USP35: variants seen among roughly 807,000 people sequenced by gnomAD.
USP35 encodes ubiquitin carboxyl-terminal hydrolase 35.
Under a neutral mutation model 83.8 loss-of-function variants are expected in USP35, and 69 were observed. That is an observed-to-expected ratio of 0.82 (90% CI 0.68 to 1.01). USP35 has a LOEUF of 1.01. Ranked by LOEUF, USP35 falls within the 50% of genes least tolerant of loss-of-function variation. The pLI is 0.00. For missense variants in USP35, 1,503 were observed against 1,362.5 expected (o/e 1.10, Z -1.62); for synonymous variants, 714 against 589.5 (o/e 1.21, Z -3.06).
In USP35 at chr11:78,196,697, A is replaced by G. The variant is rs1326561907; in HGVS notation, c.452A>G (p.His151Arg). 6.6e-7 allele frequency: 1 copy of G among 1,516,918 alleles called. No homozygotes were observed. The highest frequency in any genetic ancestry group is 2.0e-5 in the Admixed American group (1 of 49,534). The allele number at this position is 1,516,918 out of a possible 1,614,324, so 94.0% of individuals were successfully genotyped here. ...CAGGTGGCACGGCTGCTGGCTCGCC[A>G]CCCGCGCTGTGTGCCCGACGGACCC... ...CAQVARLLARHPRCVPDGPHR... is the reference protein window; with the variant it reads ...CAQVARLLARRPRCVPDGPHR... Residue 151 changes from histidine (H) to arginine (R), a missense_variant, in exon 2 of 11, where the codon CAC (histidine) becomes CGC (arginine). His to Arg is a conservative substitution (Grantham distance 29). Coordinates refer to ENST00000529308, the MANE Select transcript of USP35 (RefSeq NM_020798.4). The surrounding 1 kb of genome is among the most constrained non-coding windows in gnomAD (Gnocchi z 4.8).
the USP35 span, among the ~76,000 whole-genome samples, chr11:78,232,943 T>G: frequency 6.6e-6 from 1 of 152,214 alleles, no homozygotes; most frequent in Admixed American, 6.5e-5. Context: ...TAAAGCATCA[T>G]TTCTTTCTTC....
At position 78,214,443 on chromosome 11, in the gene USP35, C is replaced by T. The variant is rs1442483486; in HGVS notation, c.*630C>T. 6.6e-6 allele frequency: 1 copy of T among 152,426 alleles called. No individual in the cohort carries two copies. Among genetic ancestry groups the T allele is most frequent in the African/African-American group, 2.4e-5 (1 of 41,344 alleles). The allele number at this position is 152,426 out of a possible 1,614,324, so 9.4% of individuals were successfully genotyped here. A position where few individuals can be genotyped will look rare whatever the true frequency, so the allele number is the denominator to read the frequency against. ...CCTTTGCCCCCACAGCCCCTCCACG[C>T]CTGCCTCAGGGCCTGAGAAGCCACC... On this transcript the variant is annotated 3_prime_UTR_variant, in exon 11 of 11. Coordinates refer to ENST00000529308, the MANE Select transcript of USP35 (RefSeq NM_020798.4).
chr11:78,210,260 G>A lies in USP35; in HGVS notation c.2405G>A (p.Cys802Tyr). The part of the protein sequence containing the change: ...EKVVELSQGP[C>Y]YLILTLLRFS... ...GTGGTGGAGCTGAGCCAAGGGCCGT[G>A]CTACCTCATCCTCACACTGCTGCGC... The change falls in exon 10 of 11, where the codon TGC becomes TAC. Residue 802 changes from cysteine (C) to tyrosine (Y), a missense_variant. Physicochemically the swap from Cys to Tyr is radical, Grantham distance 194. Coordinates refer to ENST00000529308, the MANE Select transcript of USP35 (RefSeq NM_020798.4). 6.2e-7 allele frequency: 1 copy of A among 1,614,080 alleles called. No individual in the cohort carries two copies. Among genetic ancestry groups the A allele is most frequent in the Non-Finnish European group, 8.5e-7 (1 of 1,180,028 alleles).
At chr11:78,207,494 A>G (rs767658553) in intron 7 of USP35, 36 bp from the exon 8 acceptor site, 28 of 1,609,848 alleles carry the variant, frequency 1.7e-5, no homozygotes, top group Non-Finnish European at 2.1e-5. Context: ...TTGGGGGCCC[A>G]TGGCTTACCC....
In USP35 at chr11:78,200,886, A is replaced by G. The variant is rs978304049; in HGVS notation, c.1197+78A>G. ...TGTGGGCCTTCCAGCGGGCCATACCACAGCTTGGTGGCAGTCCCCGTCATT... is the reference window on the plus strand; with the variant it reads ...TGTGGGCCTTCCAGCGGGCCATACCGCAGCTTGGTGGCAGTCCCCGTCATT... On this transcript the variant is annotated intron_variant, in intron 6 of 10. Coordinates refer to ENST00000529308, the MANE Select transcript of USP35 (RefSeq NM_020798.4). 4.0e-6 allele frequency: 6 copies of G among 1,506,962 alleles called. No individual in the cohort carries two copies. The Admixed American group carries it at 6.8e-5, about 17-fold the overall frequency. 93.3% of individuals were successfully genotyped at this position (1,506,962 alleles called of 1,614,324 possible).
the USP35 span, chr11:78,226,607 G>A: frequency 6.2e-7 from 1 of 1,612,764 alleles, no homozygotes; most frequent in South Asian, 1.1e-5. Flanking sequence ...TTGGCTTGGG[G>A]GGGCGGGGTG....
intron 3 of USP35, chr11:78,198,644 G>A (rs956591441): frequency 2.6e-5 from 26 of 985,348 alleles, no homozygotes; most frequent in African/African-American, 5.2e-5. Context: ...TTTCCATCCC[G>A]TGTGCAGATC....
At position 78,196,590 on chromosome 11, in the gene USP35, T is replaced by C; in HGVS notation, c.345T>C (p.Pro115=). Residue 115 remains proline, a synonymous_variant, in exon 2 of 11, where the codon CCT becomes CCC. Transcript: ENST00000529308. This position sits in a 1 kb window ranked among gnomAD's most constrained non-coding sequence, Gnocchi z 4.8. ...GTCTGCAGCTGCTGCCCGAGGGGCC[T>C]GCGGCCGACGAGGTGTTCGCGCTGC... is the stretch of plus-strand genomic sequence containing the variant. ...QLGLQLLPEG[P]AADEVFALLR... is the part of the protein sequence containing the mutation. The C allele has an allele frequency of 8.0e-7, 1 of 1,254,460 alleles. No individual in the cohort carries two copies. 77.7% of individuals were successfully genotyped at this position (1,254,460 alleles called of 1,614,324 possible).
chr11:78,204,113 A>G (rs1322558875), intron 6 of USP35, among the ~76,000 whole-genome samples: 1 of 151,294 alleles, frequency 6.6e-6, no homozygotes, highest in East Asian at 1.9e-4. Flanking sequence ...GATGGTCTCG[A>G]TCTCCTGACC....
At position 78,213,791 on chromosome 11, in the gene USP35, A is replaced by C. The variant is rs761401940; in HGVS notation, c.3035A>C (p.Asp1012Ala). 4 of 1,551,460 alleles carry C rather than the reference A, an allele frequency of 2.6e-6. No individual in the cohort carries two copies. The highest frequency in any genetic ancestry group is 3.5e-6 in the Non-Finnish European group (4 of 1,156,906). Residue 1012 changes from aspartate (D) to alanine (A), a missense_variant, in exon 11 of 11, where the codon GAC becomes GCC. Transcript: ENST00000529308. Reference sequence around the variant, plus strand: ...AATCCTGCAGGTGGCAATGGTGGTGACTTCCACAGACTGGTCTTCTAATGT... The same window carrying C: ...AATCCTGCAGGTGGCAATGGTGGTGCCTTCCACAGACTGGTCTTCTAATGT... ...GCNPAGGNGG[D>A]FHRLVF
At chr11:78,200,529 A>C in intron 5 of USP35, 121 bp from the exon 6 acceptor site, 1 of 1,409,548 alleles carries the variant, frequency 7.1e-7, no homozygotes, top group South Asian at 1.4e-5. Context: ...GTCAGGGGAC[A>C]GTGGTCAGGT....
At chr11:78,218,552 G>C (rs922875073), downstream of USP35, 3 of 153,060 alleles carry the variant, frequency 2.0e-5, no homozygotes, top group East Asian at 1.9e-4. Context: ...CTCTAGGTTG[G>C]CCATCAGTTT....
In USP35 at chr11:78,197,971, G is replaced by T; in HGVS notation, c.709G>T (p.Val237Phe). Residue 237 changes from valine (V) to phenylalanine (F), a missense_variant, in exon 3 of 11, where the codon GTC (valine) becomes TTC (phenylalanine). Transcript: ENST00000529308. ...ACCATCTAGCGCCCTGGCCAGCGTG[G>T]TCCAGCACCTCCCATTGGAGCTCAT... Reference protein sequence around the residue: ...EPPSSALASVVQHLPLELMDG... With the variant: ...EPPSSALASVFQHLPLELMDG... The T allele has an allele frequency of 6.2e-7, 1 of 1,614,222 alleles. No homozygotes were observed. The highest frequency in any genetic ancestry group is 1.3e-5 in the African/African-American group (1 of 75,060).
In USP35 at chr11:78,213,650, AGGAGAAGGAGGCCC is replaced by A; in HGVS notation, c.2899_2912del (p.Lys967GlnfsTer19). The A allele has an allele frequency of 1.3e-6, 2 of 1,488,460 alleles. No homozygotes were observed. Among genetic ancestry groups the A allele is most frequent in the Non-Finnish European group, 1.8e-6 (2 of 1,125,258 alleles). 92.2% of individuals were successfully genotyped at this position (1,488,460 alleles called of 1,614,324 possible). On this transcript the variant is annotated frameshift_variant, in exon 11 of 11. Coordinates refer to ENST00000529308, the MANE Select transcript of USP35 (RefSeq NM_020798.4). LOFTEE classifies it high-confidence loss of function. ...TCCTCTCATCTGTGTTCCCAGGAGCAGGAGAAGGAGGCCCGGAGCAGGGCGGCCTACATCTCTGC... is the reference window on the plus strand; with the variant it reads ...TCCTCTCATCTGTGTTCCCAGGAGCAGGAGCAGGGCGGCCTACATCTCTGC...
chr11:78,237,205 A>T, the USP35 span, among the ~76,000 whole-genome samples: 1 of 152,246 alleles, frequency 6.6e-6, no homozygotes, highest in African/African-American at 2.4e-5. Context: ...AAATAAAAAC[A>T]AATGTTTCTA....
chr11:78,200,951 A>C, intron 6 of USP35, 143 bp downstream of exon 6: 1 of 1,243,412 alleles, frequency 8.0e-7, no homozygotes, highest in Non-Finnish European at 1.1e-6. Context: ...CAGGTCCATC[A>C]TGTGCCTCAA....
the USP35 span, chr11:78,231,794 T>C: frequency 6.6e-6 from 1 of 152,272 alleles, no homozygotes; most frequent in Non-Finnish European, 1.5e-5. Flanking sequence ...AGAACCCTAA[T>C]GATGAAGGAC....
chr11:78,225,319 A>C, the USP35 span: 5 of 646,432 alleles, frequency 7.7e-6, no homozygotes, highest in Non-Finnish European at 8.2e-6. Context: ...TACTACTCTC[A>C]ACCCCAAATG....
chr11:78,197,513 G>C (rs1863189891), intron 2 of USP35, among the ~76,000 whole-genome samples: 1 of 152,180 alleles, frequency 6.6e-6, no homozygotes, highest in Admixed American at 6.5e-5. Context: ...CCAGGGGAAA[G>C]GAAGGGAATG....
Sources: allele counts gnomAD v4.1 joint callset (sites outside exome capture counted in the v4.1 genomes callset), GRCh38; gene constraint gnomAD v4.1.1; non-coding constraint Gnocchi (gnomAD v3.1); transcripts MANE v1.5; gene names NCBI Gene and HGNC (gene_info 2026-07-23, HGNC 2026-07-21).